FAM222B: variants seen among roughly 807,000 people sequenced by gnomAD.
FAM222B encodes the protein family with sequence similarity 222 member B, also known as protein FAM222B.
Under a neutral mutation model 38.0 loss-of-function variants are expected in FAM222B, and 12 were observed. The ratio of observed to expected loss-of-function variants is 0.32; its 90% CI spans 0.20 to 0.51. The LOEUF is 0.51. Among genes scored for constraint, FAM222B ranks in the 20% least tolerant of loss-of-function variants. The pLI is 0.97. For missense variants in FAM222B, 716 were observed against 754.2 expected, an observed-to-expected ratio of 0.95 and a Z score of 0.59; for synonymous variants, 329 against 317.2, an observed-to-expected ratio of 1.04 and a Z score of -0.40.
chr17:28,801,466 AAAAAG>A (rs2037225413), intron 1 of FAM222B, among the ~76,000 whole-genome samples: 1 of 151,660 alleles, frequency 6.6e-6, no homozygotes, highest in South Asian at 2.1e-4. Context: ...AAAAAAAAAA[AAAAAG>A]AAAAGAAAAA....
chr17:28,800,283 C>A (rs1175845958), intron 1 of FAM222B, among the ~76,000 whole-genome samples: 1 of 152,224 alleles, frequency 6.6e-6, no homozygotes, highest in East Asian at 1.9e-4. Flanking sequence ...CATGCCTTGG[C>A]CTCCCAAAGT....
intron 1 of FAM222B, among the ~76,000 whole-genome samples, chr17:28,770,594 A>G (rs1197546263): frequency 7.1e-6 from 1 of 140,114 alleles, no homozygotes; most frequent in East Asian, 2.0e-4. Flanking sequence ...TTTTTGAGAC[A>G]GAGTCTTGCT....
chr17:28,798,461 A>G (rs1225754257), intron 1 of FAM222B, among the ~76,000 whole-genome samples: 1 of 152,206 alleles, frequency 6.6e-6, no homozygotes, highest in East Asian at 1.9e-4. Flanking sequence ...AATTTTAAAC[A>G]GCATAGTCAG....
At chr17:28,770,614 A>C (rs2035581671) in intron 1 of FAM222B, among the ~76,000 whole-genome samples, 2 of 148,652 alleles carry the variant, frequency 1.3e-5, no homozygotes, top group Middle Eastern at 3.2e-3. Context: ...TCTCTCACCC[A>C]GGCTGGAGTG....
At chr17:28,811,010 T>C (rs1235858864) in intron 1 of FAM222B, among the ~76,000 whole-genome samples, 1 of 152,150 alleles carries the variant, frequency 6.6e-6, no homozygotes. Context: ...ACTGAACCTG[T>C]ATTACATAAA....
chr17:28,822,832 A>AATATATATATATATAT (rs1254235399), intron 1 of FAM222B, among the ~76,000 whole-genome samples: 5 of 42,804 alleles, frequency 1.2e-4, no homozygotes, highest in Non-Finnish European at 1.9e-4. Flanking sequence ...AAAAAAAAAA[A>AATATATATATATATAT]ATATATATAT....
chr17:28,787,826 C>CTTTTTTT (rs59467944), intron 1 of FAM222B, among the ~76,000 whole-genome samples: 1,361 of 130,086 alleles, frequency 0.01, 62 homozygotes, highest in African/African-American at 0.03. Flanking sequence ...ATAAAGTAGT[C>CTTTTTTT]TTTTTTTTTT....
Position 28,759,994 on chromosome 17 carries a change from G to C in FAM222B, c.83-118C>G, listed in dbSNP as rs2034994768. The C allele has an allele frequency of 2.0e-6, 2 of 997,602 alleles. No homozygotes were observed. Among genetic ancestry groups the C allele is most frequent in the Non-Finnish European group, 2.9e-6 (2 of 688,902 alleles). The allele number at this position is 997,602 out of a possible 1,614,324, so 61.8% of individuals were successfully genotyped here. A position where few individuals can be genotyped will look rare whatever the true frequency, so the allele number is the denominator to read the frequency against. The stretch of plus-strand genomic sequence containing the variant: ...CTGGGGTGGGGTGGGGAAATGACTA[G>C]ATTGTCATCTGTAGCCTTCATTCGA... On this transcript the variant is annotated intron_variant, in intron 2 of 2. Coordinates refer to ENST00000581407, the MANE Select transcript of FAM222B (RefSeq NM_001077498.3). The surrounding 1 kb of genome is among the most constrained non-coding windows in gnomAD (Gnocchi z 4.8).
At chr17:28,851,115 T>A (rs1391904135) in intron 1 of FAM222B, among the ~76,000 whole-genome samples, 2 of 149,106 alleles carry the variant, frequency 1.3e-5, no homozygotes, top group African/African-American at 4.9e-5. Context: ...GGAGACTCCA[T>A]CTCAAAACAA....
At position 28,756,190 on chromosome 17, in the gene FAM222B, G is replaced by A. The variant is rs910279190; in HGVS notation, c.*2080C>T. The A allele has an allele frequency of 2.6e-5, 4 of 152,886 alleles. No homozygotes were observed. The highest frequency in any genetic ancestry group is 9.7e-5 in the African/African-American group (4 of 41,412). The allele number at this position is 152,886 out of a possible 1,614,324, so 9.5% of individuals were successfully genotyped here. On this transcript the variant is annotated 3_prime_UTR_variant, in exon 3 of 3. Transcript: ENST00000581407. The stretch of plus-strand genomic sequence containing the variant: ...GGACCCTTATTGCTGGCTGGGGGTT[G>A]GCTGGCAGAGGGGAGAGGGACTCAG...
intron 1 of FAM222B, among the ~76,000 whole-genome samples, chr17:28,778,010 T>C (rs2035972226): frequency 1.3e-5 from 2 of 149,548 alleles, no homozygotes; most frequent in South Asian, 2.1e-4. Context: ...GGCTGGACTT[T>C]TTTTTTTTTT....
At chr17:28,771,667 C>T (rs1447109235) in intron 1 of FAM222B, among the ~76,000 whole-genome samples, 1 of 152,010 alleles carries the variant, frequency 6.6e-6, no homozygotes, top group Non-Finnish European at 1.5e-5. Flanking sequence ...GGAAACAGTG[C>T]GAGACTCCGT....
chr17:28,817,518 C>T (rs1047335125), intron 1 of FAM222B, among the ~76,000 whole-genome samples: 19 of 152,082 alleles, frequency 1.2e-4, no homozygotes, highest in Non-Finnish European at 1.9e-4. Flanking sequence ...GTCAGGAGTT[C>T]GAGACCAGCC....
At chr17:28,852,467 T>G (rs772089194) in intron 1 of FAM222B, among the ~76,000 whole-genome samples, 1 of 151,760 alleles carries the variant, frequency 6.6e-6, no homozygotes, top group Non-Finnish European at 1.5e-5. Flanking sequence ...TGAAACCCCA[T>G]CTGTACAAAA....
chr17:28,774,505 G>C (rs535010687), intron 1 of FAM222B, among the ~76,000 whole-genome samples: 1 of 152,296 alleles, frequency 6.6e-6, no homozygotes, highest in East Asian at 1.9e-4. Context: ...CTCTCCTGGG[G>C]CACCTGCACA....
intron 1 of FAM222B, among the ~76,000 whole-genome samples, chr17:28,812,694 C>T (rs1387413892): frequency 6.6e-6 from 1 of 152,004 alleles, no homozygotes; most frequent in Non-Finnish European, 1.5e-5. Flanking sequence ...AAGCCAGGAG[C>T]CAAGCATCCC....
chr17:28,763,595 C>T (rs1463547879), intron 2 of FAM222B, among the ~76,000 whole-genome samples: 1 of 152,260 alleles, frequency 6.6e-6, no homozygotes, highest in Non-Finnish European at 1.5e-5. Flanking sequence ...GAACCTCTAT[C>T]TGTAGGCAGA....
chr17:28,794,158 G>A (rs1184298223), intron 1 of FAM222B, among the ~76,000 whole-genome samples: 1 of 151,356 alleles, frequency 6.6e-6, no homozygotes, highest in Non-Finnish European at 1.5e-5. Flanking sequence ...CATCCAAAAT[G>A]AAAACAGCAG....
rs180958267 is a variant in FAM222B at position 28,838,679 on chromosome 17, G to A, written c.-41+4003C>T. Among the ~76,000 whole-genome samples the A allele has an allele frequency of 3.3e-5, 5 of 152,262 alleles. No homozygotes were observed. The East Asian group carries it at 9.7e-4, about 29-fold the overall frequency. On this transcript the variant is annotated intron_variant, in intron 1 of 2. Transcript: ENST00000581407. ...CCCAGCACTTTGGGAGGCCGAGGCA[G>A]GCGGATCACCTGAGGTCGGCAGTTC... is the stretch of plus-strand genomic sequence containing the variant.
Sources: gnomAD v4.1 joint callset for allele counts (sites outside exome capture counted in the v4.1 genomes callset) on GRCh38, gnomAD v4.1.1 for gene constraint, Gnocchi (gnomAD v3.1) non-coding constraint, MANE v1.5 for transcripts, NCBI Gene and HGNC (gene_info 2026-07-23, HGNC 2026-07-21) for gene names.